The following ESRRB variants were observed in gnomAD, a reference collection of about 807,000 sequenced individuals.
ESRRB encodes the protein estrogen related receptor beta.
Under a neutral mutation model 46.0 loss-of-function variants are expected in ESRRB, and 16 were observed. That is an observed-to-expected ratio of 0.35 (90% CI 0.24 to 0.53). The LOEUF (loss-of-function observed/expected upper bound fraction) is 0.53. Among genes scored for constraint, ESRRB ranks in the 20% least tolerant of loss-of-function variants. ESRRB has a pLI of 0.93. For missense variants in ESRRB, 488 were observed against 607.4 expected (o/e 0.80, Z 2.07); for synonymous variants, 246 against 259.6 (o/e 0.95, Z 0.50).
chr14:76,422,778 C>T (rs1349227147), intron 1 of ESRRB, among the ~76,000 whole-genome samples: 2 of 152,184 alleles, frequency 1.3e-5, no homozygotes, highest in Non-Finnish European at 2.9e-5. Flanking sequence ...AACAGTTGCA[C>T]AGCGAGTCAG....
chr14:76,445,683 TC>T (rs1232378228), intron 2 of ESRRB, among the ~76,000 whole-genome samples: 1 of 142,622 alleles, frequency 7.0e-6, no homozygotes, highest in Non-Finnish European at 1.5e-5. Flanking sequence ...TCTCCACCAA[TC>T]TTTTTTTTTT....
chr14:76,390,588 T>A (rs746259576), intron 1 of ESRRB, among the ~76,000 whole-genome samples: 32 of 152,244 alleles, frequency 2.1e-4, no homozygotes, highest in Non-Finnish European at 4.3e-4. Flanking sequence ...TTCTTTTTAG[T>A]ATTTCTTCTC....
intron 2 of ESRRB, among the ~76,000 whole-genome samples, chr14:76,447,409 C>T (rs1337278666): frequency 6.6e-6 from 1 of 152,056 alleles, no homozygotes; most frequent in African/African-American, 2.4e-5. Flanking sequence ...CAGTTCTTGA[C>T]CCAGCTTCTG....
At chr14:76,475,095 G>A (rs757474479) in intron 3 of ESRRB, among the ~76,000 whole-genome samples, 1 of 152,082 alleles carries the variant, frequency 6.6e-6, no homozygotes, top group Non-Finnish European at 1.5e-5. Flanking sequence ...TTATCTGGGT[G>A]TCATGGCATG....
chr14:76,310,975 C>CTTTTCT, intron 1 of ESRRB: 1 of 357,580 alleles, frequency 2.8e-6, no homozygotes, highest in African/African-American at 4.3e-5. Flanking sequence ...TTTTCTGTCC[C>CTTTTCT]CTTTCTCTCT....
At chr14:76,334,010 C>T (rs1884095821) in intron 1 of ESRRB, among the ~76,000 whole-genome samples, 1 of 152,084 alleles carries the variant, frequency 6.6e-6, no homozygotes, top group Non-Finnish European at 1.5e-5. Context: ...GAATAGAAGC[C>T]CTACCTTGGA....
intron 2 of ESRRB, among the ~76,000 whole-genome samples, chr14:76,441,057 G>A (rs531016680): frequency 6.6e-6 from 1 of 152,198 alleles, no homozygotes; most frequent in South Asian, 2.1e-4. Context: ...CAAAAAGAGA[G>A]AGAGATAAGG....
chr14:76,364,208 A>G (rs1467710069), intron 1 of ESRRB, among the ~76,000 whole-genome samples: 1 of 152,208 alleles, frequency 6.6e-6, no homozygotes, highest in Admixed American at 6.5e-5. Flanking sequence ...AGAGGAACCA[A>G]CCATATGATT....
intron 2 of ESRRB, among the ~76,000 whole-genome samples, chr14:76,455,775 G>T (rs1334258185): frequency 6.6e-6 from 1 of 152,132 alleles, no homozygotes; most frequent in East Asian, 1.9e-4. Flanking sequence ...TGGGTGCAGT[G>T]GTTCATGCCT....
intron 2 of ESRRB, among the ~76,000 whole-genome samples, chr14:76,443,761 A>G (rs1888016231): frequency 6.6e-6 from 1 of 152,170 alleles, no homozygotes; most frequent in Admixed American, 6.5e-5. Flanking sequence ...ACAGAGGCCC[A>G]GGTGTCTGCG....
intron 6 of ESRRB, 50 bp from the exon 7 acceptor site, chr14:76,498,164 A>T: frequency 6.2e-7 from 1 of 1,612,114 alleles, no homozygotes; most frequent in Non-Finnish European, 8.5e-7. Flanking sequence ...CCCCCACACC[A>T]GGCAGCACTC....
chr14:76,457,938 G>A (rs908562771), intron 2 of ESRRB, among the ~76,000 whole-genome samples: 2 of 152,186 alleles, frequency 1.3e-5, no homozygotes, highest in Non-Finnish European at 2.9e-5. Flanking sequence ...GCCACCCAAA[G>A]TGATGGGATT....
At chr14:76,365,542 A>G (rs929249406) in intron 1 of ESRRB, among the ~76,000 whole-genome samples, 1 of 152,218 alleles carries the variant, frequency 6.6e-6, no homozygotes, top group Non-Finnish European at 1.5e-5. Context: ...ACGCAGGGGT[A>G]TGTAGTACTT....
intron 2 of ESRRB, among the ~76,000 whole-genome samples, chr14:76,456,050 A>ACACT: frequency 6.9e-6 from 1 of 145,822 alleles, no homozygotes; most frequent in Non-Finnish European, 1.5e-5. Context: ...ACACACACAC[A>ACACT]CACACACACA....
intron 5 of ESRRB, among the ~76,000 whole-genome samples, chr14:76,488,651 A>G (rs1890106188): frequency 3.3e-5 from 5 of 152,098 alleles, no homozygotes; most frequent in African/African-American, 1.2e-4. Context: ...GGGGTGGGGA[A>G]GGAACAGCTC....
intron 1 of ESRRB, among the ~76,000 whole-genome samples, chr14:76,413,598 G>T (rs1886533370): frequency 2.0e-5 from 3 of 152,164 alleles, no homozygotes; most frequent in Non-Finnish European, 4.4e-5. Context: ...ATGAATGTGT[G>T]TGTGACCCTA....
intron 3 of ESRRB, among the ~76,000 whole-genome samples, chr14:76,476,822 G>A (rs1226102689): frequency 1.3e-5 from 2 of 152,354 alleles, no homozygotes; most frequent in South Asian, 2.1e-4. Flanking sequence ...TGCCACACCT[G>A]TAGGCTTCAC....
At chr14:76,407,150 A>G (rs1435489745) in intron 1 of ESRRB, among the ~76,000 whole-genome samples, 1 of 152,196 alleles carries the variant, frequency 6.6e-6, no homozygotes, top group Non-Finnish European at 1.5e-5. Context: ...TTCTCTTTCT[A>G]GGAGTCCTTA....
intron 1 of ESRRB, among the ~76,000 whole-genome samples, chr14:76,348,769 T>C (rs1435758093): frequency 6.6e-6 from 1 of 152,136 alleles, no homozygotes; most frequent in East Asian, 1.9e-4. Context: ...GGTTTTGGGG[T>C]GCCACCCGGG....
Sources: allele counts gnomAD v4.1 joint callset (sites outside exome capture counted in the v4.1 genomes callset), GRCh38; gene constraint gnomAD v4.1.1; transcripts MANE v1.5; gene names NCBI Gene and HGNC (gene_info 2026-07-23, HGNC 2026-07-21).